Variants in SGCD observed in about 807,000 individuals in gnomAD.
The protein encoded by SGCD is delta-sarcoglycan.
A neutral mutation model predicts 36.6 loss-of-function variants in SGCD; 18 were observed. The ratio of observed to expected loss-of-function variants is 0.49; its 90% confidence interval spans 0.34 to 0.73. SGCD has a LOEUF of 0.73. Ranked by LOEUF, SGCD falls within the 30% of genes least tolerant of loss-of-function variation. SGCD has a pLI of 0.01. For missense variants in SGCD, 387 were observed against 346.7 expected (o/e 1.12, Z -0.92); for synonymous variants, 133 against 130.6 (o/e 1.02, Z -0.12).
At chr5:155,771,995 G>A in the SGCD span, among the ~76,000 whole-genome samples, 1 of 152,106 alleles carries the variant, frequency 6.6e-6, no homozygotes, top group Non-Finnish European at 1.5e-5. Context: ...TTTATGTTTT[G>A]TGAACAAGTA....
chr5:155,947,705 C>T (rs1757467578), intron 1 of SGCD, among the ~76,000 whole-genome samples: 2 of 152,198 alleles, frequency 1.3e-5, no homozygotes, highest in Non-Finnish European at 2.9e-5. Context: ...ACAAGCATGG[C>T]AGAGATGAAG....
At chr5:156,320,270 T>C (rs553428174) in intron 3 of SGCD, among the ~76,000 whole-genome samples, 1 of 152,176 alleles carries the variant, frequency 6.6e-6, no homozygotes, top group African/African-American at 2.4e-5. Flanking sequence ...AGCACTGATA[T>C]GATTGCAAAA....
At chr5:155,929,685 C>T (rs1055057336) in intron 1 of SGCD, among the ~76,000 whole-genome samples, 5 of 152,172 alleles carry the variant, frequency 3.3e-5, no homozygotes, top group African/African-American at 1.2e-4. Context: ...TCCTGACTTT[C>T]TATTATGGCA....
intron 7 of SGCD, among the ~76,000 whole-genome samples, chr5:156,695,508 G>A (rs1314070651): frequency 2.2e-5 from 3 of 138,336 alleles, no homozygotes; most frequent in Non-Finnish European, 4.6e-5. Context: ...TAGATAGATA[G>A]ATGGATAGAT....
At chr5:156,546,983 T>C (rs1758601355) in intron 4 of SGCD, among the ~76,000 whole-genome samples, 1 of 152,176 alleles carries the variant, frequency 6.6e-6, no homozygotes, top group Non-Finnish European at 1.5e-5. Context: ...AATTGAACTG[T>C]TACAATTCTT....
intron 3 of SGCD, among the ~76,000 whole-genome samples, chr5:156,508,271 C>T (rs1343303696): frequency 1.3e-5 from 2 of 152,036 alleles, no homozygotes; most frequent in Non-Finnish European, 2.9e-5. Flanking sequence ...GAGAATTATC[C>T]TTTTCTCTCC....
chr5:156,607,723 G>T (rs1480925978), intron 6 of SGCD, among the ~76,000 whole-genome samples: 1 of 151,946 alleles, frequency 6.6e-6, no homozygotes, highest in Non-Finnish European at 1.5e-5. Flanking sequence ...TCATTTCAGA[G>T]CCTGTTATTG....
intron 3 of SGCD, among the ~76,000 whole-genome samples, chr5:156,182,882 T>G (rs752184801): frequency 2.6e-5 from 4 of 152,184 alleles, no homozygotes; most frequent in Admixed American, 6.5e-5. Context: ...ACTTTTACCT[T>G]TTTCTCTCTC....
chr5:156,094,304 A>G (rs1003016302), intron 1 of SGCD, among the ~76,000 whole-genome samples: 18 of 152,174 alleles, frequency 1.2e-4, no homozygotes, highest in African/African-American at 4.3e-4. Context: ...GAACAGCCAG[A>G]TTCAGGGCAT....
intron 3 of SGCD, among the ~76,000 whole-genome samples, chr5:156,193,163 G>A (rs1489103943): frequency 6.6e-6 from 1 of 152,040 alleles, no homozygotes; most frequent in Admixed American, 6.6e-5. Context: ...TGTAGTCAAA[G>A]GCTAATTCTT....
At chr5:156,058,577 C>T (rs1278972068) in intron 1 of SGCD, among the ~76,000 whole-genome samples, 1 of 145,514 alleles carries the variant, frequency 6.9e-6, no homozygotes, top group African/African-American at 2.5e-5. Context: ...TGATCAATAG[C>T]AATGCGTGGG....
At chr5:156,112,635 A>T (rs1031437846) in intron 1 of SGCD, among the ~76,000 whole-genome samples, 1 of 152,192 alleles carries the variant, frequency 6.6e-6, no homozygotes, top group Non-Finnish European at 1.5e-5. Flanking sequence ...TGTCTCCATT[A>T]AACAATCATA....
intron 2 of SGCD, among the ~76,000 whole-genome samples, chr5:156,341,747 G>T (rs567425673): frequency 6.6e-6 from 1 of 152,300 alleles, no homozygotes; most frequent in East Asian, 1.9e-4. Flanking sequence ...TCTTCACTCT[G>T]TTGCCCAGGC....
chr5:156,579,892 T>G (rs1438790761), intron 4 of SGCD, among the ~76,000 whole-genome samples: 2 of 152,238 alleles, frequency 1.3e-5, no homozygotes, highest in African/African-American at 2.4e-5. Flanking sequence ...GTCTTTTAAC[T>G]GGGGAATTTA....
At chr5:156,377,638 G>A (rs908763054) in intron 3 of SGCD, among the ~76,000 whole-genome samples, 1 of 152,108 alleles carries the variant, frequency 6.6e-6, no homozygotes, top group Non-Finnish European at 1.5e-5. Flanking sequence ...AGCCAGCAGT[G>A]CACTTAGAGA....
At chr5:155,901,791 C>T (rs566405210) in intron 1 of SGCD, among the ~76,000 whole-genome samples, 2 of 152,278 alleles carry the variant, frequency 1.3e-5, no homozygotes, top group South Asian at 4.1e-4. Context: ...TTTCAAATGG[C>T]TTCCATGCCT....
chr5:156,676,616 C>G (rs1447510450), intron 7 of SGCD, among the ~76,000 whole-genome samples: 2 of 152,090 alleles, frequency 1.3e-5, no homozygotes, highest in Non-Finnish European at 2.9e-5. Context: ...ACTCCCACAT[C>G]CCACCCAAAA....
intron 3 of SGCD, among the ~76,000 whole-genome samples, chr5:156,154,017 G>A (rs1821243): frequency 0.66 from 99,345 of 151,298 alleles, 33,501 homozygotes; most frequent in East Asian, 0.95. Context: ...GCAGGGCAGG[G>A]TCTGAAGTCA....
At chr5:156,591,777 A>C (rs901243637) in intron 5 of SGCD, among the ~76,000 whole-genome samples, 2 of 152,166 alleles carry the variant, frequency 1.3e-5, no homozygotes, top group African/African-American at 4.8e-5. Context: ...TGACCTCCTG[A>C]GCTGTCTCCA....
Sources: allele counts gnomAD v4.1 joint callset (sites outside exome capture counted in the v4.1 genomes callset), GRCh38; gene constraint gnomAD v4.1.1; transcripts MANE v1.5; gene names NCBI Gene and HGNC (gene_info 2026-07-23, HGNC 2026-07-21).